The following DEUP1 variants were observed in gnomAD, a reference collection of about 807,000 sequenced individuals.
DEUP1 encodes the protein deuterosome assembly protein 1.
A neutral mutation model predicts 87.4 loss-of-function variants in DEUP1; 82 were observed. The observed-to-expected ratio is 0.94, with a 90% CI of 0.78 to 1.13. The LOEUF (loss-of-function observed/expected upper bound fraction) is 1.13, where lower values mean the gene tolerates loss of function less well. DEUP1 is among the 50% of genes most tolerant of loss of function. The probability of loss-of-function intolerance (pLI) is 0.00; values close to 1 mark genes in which losing one functional copy is unlikely to be tolerated. For synonymous variants in DEUP1, 214 were observed against 222.7 expected (o/e 0.96, Z 0.35); for missense variants, 663 against 681.5 (o/e 0.97, Z 0.30).
At chr11:93,433,550 A>AAAAG (rs1465019054) in intron 13 of DEUP1, among the ~76,000 whole-genome samples, 1 of 152,124 alleles carries the variant, frequency 6.6e-6, no homozygotes, top group Non-Finnish European at 1.5e-5. Context: ...TCAATCCATA[A>AAAAG]AAAGAAAGAA....
rs189566284 is a variant in DEUP1, at chr11:93,388,963, G to A, written c.936-57G>A. The A allele has an allele frequency of 3.5e-4, 334 of 960,836 alleles. 1 individual carries two copies. The highest frequency in any genetic ancestry group is 2.2e-3 in the African/African-American group (133 of 59,940). 59.5% of individuals were successfully genotyped at this position (960,836 alleles called of 1,614,324 possible). ...AATGGTCTAAATTAACAATATAATC[G>A]TTACAATTTATCAAGTTAAGCTTAA... On this transcript the variant is annotated intron_variant, in intron 8 of 13. Coordinates refer to ENST00000298050, the MANE Select transcript of DEUP1 (RefSeq NM_181645.4).
intron 5 of DEUP1, among the ~76,000 whole-genome samples, chr11:93,366,993 G>T (rs1200469081): frequency 6.6e-6 from 1 of 152,036 alleles, no homozygotes; most frequent in African/African-American, 2.4e-5. Context: ...TTATAAATTT[G>T]CCATTATTGC....
At chr11:93,396,168 A>C (rs1245952153) in intron 10 of DEUP1, 71 bp from the exon 11 acceptor site, 1 of 955,612 alleles carries the variant, frequency 1.0e-6, no homozygotes, top group Non-Finnish European at 1.6e-6. Flanking sequence ...TGTATTCACA[A>C]GACAAAATTT....
At chr11:93,430,516 T>C (rs1057196772) in intron 13 of DEUP1, among the ~76,000 whole-genome samples, 6 of 152,174 alleles carry the variant, frequency 3.9e-5, no homozygotes, top group African/African-American at 1.4e-4. Flanking sequence ...TCCATGTATA[T>C]GAAATAGCCA....
chr11:93,370,815 T>G (rs1945680207), intron 6 of DEUP1, among the ~76,000 whole-genome samples: 1 of 152,202 alleles, frequency 6.6e-6, no homozygotes, highest in Non-Finnish European at 1.5e-5. Flanking sequence ...CCTTCTCTAC[T>G]CTACATCTTT....
intron 6 of DEUP1, among the ~76,000 whole-genome samples, chr11:93,370,781 GTA>G (rs2134265532): frequency 6.6e-6 from 1 of 151,588 alleles, no homozygotes; most frequent in Non-Finnish European, 1.5e-5. Context: ...TTCTTGCTTA[GTA>G]TGGCTTTACT....
At chr11:93,416,677 T>C (rs1263212985) in intron 13 of DEUP1, among the ~76,000 whole-genome samples, 1 of 151,842 alleles carries the variant, frequency 6.6e-6, no homozygotes, top group African/African-American at 2.4e-5. Flanking sequence ...TAACTCATTT[T>C]ATGAGGCCAG....
At chr11:93,407,230 A>G (rs76119559) in intron 11 of DEUP1, among the ~76,000 whole-genome samples, 4,040 of 152,276 alleles carry the variant, frequency 0.027, 71 homozygotes, top group Non-Finnish European at 0.041. Context: ...GAATTCAACA[A>G]TAGAAGAATG....
intron 2 of DEUP1, among the ~76,000 whole-genome samples, chr11:93,337,536 T>A (rs1943833879): frequency 6.6e-6 from 1 of 152,166 alleles, no homozygotes; most frequent in Non-Finnish European, 1.5e-5. Flanking sequence ...CCTCCCCCCA[T>A]ATACACGTAT....
chr11:93,358,633 G>T (rs1389222069), intron 4 of DEUP1, among the ~76,000 whole-genome samples: 2 of 152,124 alleles, frequency 1.3e-5, no homozygotes, highest in Non-Finnish European at 2.9e-5. Flanking sequence ...GCCCAGGCTG[G>T]AGTGCAGTGG....
At chr11:93,358,943 A>T (rs571673612) in intron 4 of DEUP1, among the ~76,000 whole-genome samples, 3 of 152,266 alleles carry the variant, frequency 2.0e-5, no homozygotes, top group African/African-American at 7.2e-5. Flanking sequence ...TTCGTGGAAT[A>T]CACTGGGAAT....
At chr11:93,411,464 A>G (rs1350658922) in intron 12 of DEUP1, among the ~76,000 whole-genome samples, 3 of 152,120 alleles carry the variant, frequency 2.0e-5, no homozygotes, top group Admixed American at 2.0e-4. Context: ...CTCTGAAGCA[A>G]CTCGGTTTTG....
chr11:93,385,639 C>A, intron 8 of DEUP1, 96 bp downstream of exon 8: 1 of 935,526 alleles, frequency 1.1e-6, no homozygotes, highest in Non-Finnish European at 1.5e-6. Flanking sequence ...AATATAAAGT[C>A]TATTTTGTAT....
chr11:93,395,614 T>C (rs186799613), intron 10 of DEUP1, among the ~76,000 whole-genome samples: 259 of 152,312 alleles, frequency 1.7e-3, no homozygotes, highest in Non-Finnish European at 3.3e-3. Flanking sequence ...GTACGTTTTC[T>C]AGGTTTTGTC....
In DEUP1 at chr11:93,383,558, T is replaced by C. The variant is rs1176142268; in HGVS notation, c.790-1840T>C. On this transcript the variant is annotated intron_variant, in intron 7 of 13. Coordinates refer to ENST00000298050, the MANE Select transcript of DEUP1 (RefSeq NM_181645.4). ...ATAAAGTAGTGGTGATGTTCAACTT[T>C]GTGACTAAATTGAAAACTGCTGGAT... is the stretch of plus-strand genomic sequence containing the variant. 1.5e-5 allele frequency: 10 copies of C among 660,306 alleles called. No individual in the cohort carries two copies. The Admixed American group carries it at 2.1e-4, about 14-fold the overall frequency. The allele number at this position is 660,306 out of a possible 1,614,324, so 40.9% of individuals were successfully genotyped here.
intron 9 of DEUP1, among the ~76,000 whole-genome samples, chr11:93,389,984 T>C (rs531463355): frequency 1.3e-5 from 2 of 152,330 alleles, no homozygotes; most frequent in South Asian, 2.1e-4. Context: ...TGTGGTTCTT[T>C]ACTCTCCTAC....
In DEUP1 at chr11:93,348,411, A is replaced by G. The variant is rs141129111; in HGVS notation, c.30-6960A>G. 1.5e-3 allele frequency among the ~76,000 whole-genome samples: 227 copies of G among 151,630 alleles called. 1 individual carries two copies. The highest frequency in any genetic ancestry group is 0.01 in the Middle Eastern group (3 of 292). Reference sequence around the variant, plus strand: ...TTGGTTTTCTCTTGATTCCCTAGTTATTTTAGTTGTGATGTTAAGTTGTTA... The same window carrying G: ...TTGGTTTTCTCTTGATTCCCTAGTTGTTTTAGTTGTGATGTTAAGTTGTTA... On this transcript the variant is annotated intron_variant, in intron 2 of 13. Transcript: ENST00000298050.
chr11:93,418,760 T>C (rs1323846049), intron 13 of DEUP1, among the ~76,000 whole-genome samples: 2 of 151,784 alleles, frequency 1.3e-5, no homozygotes, highest in Non-Finnish European at 2.9e-5. Context: ...CTATTCACAA[T>C]AGCAAAGACT....
intron 2 of DEUP1, among the ~76,000 whole-genome samples, chr11:93,348,208 A>G (rs562794285): frequency 7.9e-5 from 12 of 151,966 alleles, no homozygotes; most frequent in Admixed American, 2.6e-4. Flanking sequence ...GTCATTTCTA[A>G]TTGTGTTTAT....
Sources: gnomAD v4.1 joint callset for allele counts (sites outside exome capture counted in the v4.1 genomes callset) on GRCh38, gnomAD v4.1.1 for gene constraint, MANE v1.5 for transcripts, NCBI Gene and HGNC (gene_info 2026-07-23, HGNC 2026-07-21) for gene names.